Variants in PLCB1 observed in about 807,000 individuals in gnomAD.
The protein encoded by PLCB1 is 1-phosphatidylinositol 4,5-bisphosphate phosphodiesterase beta-1.
In PLCB1, 46 loss-of-function variants were observed where a neutral mutation model predicts 161.8. The ratio of observed to expected loss-of-function variants is 0.28; its 90% CI spans 0.22 to 0.36. The LOEUF (loss-of-function observed/expected upper bound fraction) is 0.36, where lower values mean the gene tolerates loss of function less well. Among genes scored for constraint, PLCB1 ranks in the 10% least tolerant of loss-of-function variants. The probability of loss-of-function intolerance (pLI) is 1.00; values close to 1 mark genes in which losing one functional copy is unlikely to be tolerated. For synonymous variants in PLCB1, 517 were observed against 503.7 expected (o/e 1.03, Z -0.35); for missense variants, 1,016 against 1,472.5 (o/e 0.69, Z 5.07).
Position 8,832,045 on chromosome 20 carries a change from A to G in PLCB1, c.3423+41784A>G, listed in dbSNP as rs1362059619. On this transcript the variant is annotated intron_variant, in intron 31 of 31. Transcript: ENST00000338037. ...GCTCCTTGTGTAGCAGGGCTATCCC[A>G]TAGGCAGGGTGCCCAGGGTAGTGAA... Among the ~76,000 whole-genome samples, 2 of 149,284 alleles carry G rather than the reference A, an allele frequency of 1.3e-5. 1 individual carries two copies. The highest frequency in any genetic ancestry group is 3.0e-5 in the Non-Finnish European group (2 of 67,672).
At chr20:8,527,344 G>C (rs968637447) in intron 3 of PLCB1, among the ~76,000 whole-genome samples, 1 of 151,926 alleles carries the variant, frequency 6.6e-6, no homozygotes. Flanking sequence ...ATTAAGATTG[G>C]ACTTGGAATA....
chr20:8,858,609 T>C (rs1414224655), intron 31 of PLCB1, among the ~76,000 whole-genome samples: 1 of 152,094 alleles, frequency 6.6e-6, no homozygotes, highest in Non-Finnish European at 1.5e-5. Context: ...ATGATTCCAC[T>C]GGGGTCACTT....
Position 8,882,617 on chromosome 20 carries a change from C to T in PLCB1, c.*768C>T, listed in dbSNP as rs1988035671. The T allele has an allele frequency of 6.6e-6, 1 of 152,568 alleles. No individual in the cohort carries two copies. Among genetic ancestry groups the T allele is most frequent in the Non-Finnish European group, 1.5e-5 (1 of 68,042 alleles). The allele number at this position is 152,568 out of a possible 1,614,324, so 9.5% of individuals were successfully genotyped here. A position where few individuals can be genotyped will look rare whatever the true frequency, so the allele number is the denominator to read the frequency against. On this transcript the variant is annotated 3_prime_UTR_variant, in exon 32 of 32. Coordinates refer to ENST00000338037, the MANE Select transcript of PLCB1 (RefSeq NM_015192.4). ...TGAATTGACTATTTGCACTCAAAGT[C>T]TGGGTATTCATTGGTTATTGGCCTG...
At chr20:8,463,667 T>G (rs1366960325) in intron 3 of PLCB1, among the ~76,000 whole-genome samples, 1 of 152,212 alleles carries the variant, frequency 6.6e-6, no homozygotes, top group Non-Finnish European at 1.5e-5. Context: ...AGCTTGAAAT[T>G]ATATACTTCA....
intron 3 of PLCB1, among the ~76,000 whole-genome samples, chr20:8,602,440 T>C (rs968524537): frequency 4.6e-5 from 7 of 152,198 alleles, no homozygotes; most frequent in Admixed American, 2.0e-4. Context: ...TTAACATGAA[T>C]AGACTTATCT....
intron 2 of PLCB1, among the ~76,000 whole-genome samples, chr20:8,270,738 G>C (rs542270631): frequency 1.4e-4 from 21 of 152,220 alleles, no homozygotes; most frequent in Non-Finnish European, 2.2e-4. Context: ...TTATCCTGCT[G>C]TCTGTGACTT....
chr20:8,799,161 T>C (rs1984170549), intron 31 of PLCB1, among the ~76,000 whole-genome samples: 1 of 152,214 alleles, frequency 6.6e-6, no homozygotes, highest in Non-Finnish European at 1.5e-5. Flanking sequence ...CCTTTGTCCA[T>C]ATTTTTCTTT....
intron 3 of PLCB1, among the ~76,000 whole-genome samples, chr20:8,449,358 C>T (rs1218966462): frequency 1.3e-5 from 2 of 152,210 alleles, no homozygotes; most frequent in Non-Finnish European, 2.9e-5. Context: ...ATTCATCACA[C>T]CACATTTCTT....
chr20:8,710,490 G>A (rs981249702), intron 12 of PLCB1, among the ~76,000 whole-genome samples: 1 of 141,032 alleles, frequency 7.1e-6, no homozygotes, highest in African/African-American at 2.6e-5. Context: ...TTATAGTTTC[G>A]ACTTGAGGAT....
At position 8,882,575 on chromosome 20, in the gene PLCB1, CCAGA is replaced by C. The variant is rs1280064704; in HGVS notation, c.*730_*733del. ...GCATGAGCAAGTCGGCCGCACACTT[CCAGA>C]CAGTGTGCTGTTTGAATTGACTATT... On this transcript the variant is annotated 3_prime_UTR_variant, in exon 32 of 32. Coordinates refer to ENST00000338037, the MANE Select transcript of PLCB1 (RefSeq NM_015192.4). The C allele has an allele frequency of 2.6e-5, 4 of 152,652 alleles. No homozygotes were observed. The highest frequency in any genetic ancestry group is 7.2e-5 in the African/African-American group (3 of 41,448). The allele number at this position is 152,652 out of a possible 1,614,324, so 9.5% of individuals were successfully genotyped here.
intron 2 of PLCB1, among the ~76,000 whole-genome samples, chr20:8,368,809 A>G (rs915207820): frequency 1.6e-4 from 25 of 152,032 alleles, no homozygotes; most frequent in African/African-American, 5.3e-4. Flanking sequence ...TCTGCACACA[A>G]TTCCTGCTTC....
intron 3 of PLCB1, among the ~76,000 whole-genome samples, chr20:8,373,646 G>T (rs1031253808): frequency 3.3e-5 from 5 of 152,042 alleles, no homozygotes; most frequent in African/African-American, 1.2e-4. Context: ...ACTTACTCTT[G>T]GTGTACAATA....
At chr20:8,354,420 G>GT (rs1986293842) in intron 2 of PLCB1, among the ~76,000 whole-genome samples, 1 of 152,232 alleles carries the variant, frequency 6.6e-6, no homozygotes, top group East Asian at 1.9e-4. Context: ...TCCATTACTA[G>GT]AACACCAGGA....
At chr20:8,867,080 A>G (rs3891453) in intron 31 of PLCB1, among the ~76,000 whole-genome samples, 45,601 of 152,134 alleles carry the variant, frequency 0.3, 7,771 homozygotes, top group East Asian at 0.65. Flanking sequence ...CAGGGACATA[A>G]CTGAGTTCAT....
At position 8,820,431 on chromosome 20, in the gene PLCB1, A is replaced by T. The variant is rs570869324; in HGVS notation, c.3423+30170A>T. Among the ~76,000 whole-genome samples, 3 of 152,222 alleles carry T rather than the reference A, an allele frequency of 2.0e-5. No individual in the cohort carries two copies. The South Asian group carries it at 6.2e-4, about 32-fold the overall frequency. On this transcript the variant is annotated intron_variant, in intron 31 of 31. Coordinates refer to ENST00000338037, the MANE Select transcript of PLCB1 (RefSeq NM_015192.4). ...AAATGCACATTGAAACCACAGTGTT[A>T]TATTATTTTATGCCTTCAGACAGGC...
intron 2 of PLCB1, among the ~76,000 whole-genome samples, chr20:8,221,803 A>C (rs1979426600): frequency 6.6e-6 from 1 of 152,200 alleles, no homozygotes; most frequent in Non-Finnish European, 1.5e-5. Context: ...TCAATATTTA[A>C]ATGGGTCTGA....
intron 3 of PLCB1, among the ~76,000 whole-genome samples, chr20:8,497,858 G>T (rs1363347578): frequency 6.6e-6 from 1 of 152,122 alleles, no homozygotes; most frequent in African/African-American, 2.4e-5. Flanking sequence ...ATTAACTATA[G>T]AAATTTAGCC....
In PLCB1 at chr20:8,837,532, T is replaced by C. The variant is rs7261571; in HGVS notation, c.3424-44090T>C. 8.6e-3 allele frequency among the ~76,000 whole-genome samples: 1,312 copies of C among 152,316 alleles called. 22 individuals are homozygous for C. The highest frequency in any genetic ancestry group is 0.029 in the African/African-American group (1,222 of 41,570). ...GTGCTGTAATAGTTTGTTTAGTCAG[T>C]TGGCTGAAACATGGGCCAGAAGGTC... On this transcript the variant is annotated intron_variant, in intron 31 of 31. Coordinates refer to ENST00000338037, the MANE Select transcript of PLCB1 (RefSeq NM_015192.4).
chr20:8,195,237 G>T (rs1485298923), intron 2 of PLCB1, among the ~76,000 whole-genome samples: 1 of 151,950 alleles, frequency 6.6e-6, no homozygotes, highest in African/African-American at 2.4e-5. Context: ...TTCAAAAAAG[G>T]CTCAGAAGAT....
Sources: gnomAD v4.1 joint callset for allele counts (sites outside exome capture counted in the v4.1 genomes callset) on GRCh38, gnomAD v4.1.1 for gene constraint, MANE v1.5 for transcripts, NCBI Gene and HGNC (gene_info 2026-07-23, HGNC 2026-07-21) for gene names.